Variants in ADAD1 observed in about 807,000 individuals in gnomAD.
ADAD1 encodes adenosine deaminase domain-containing protein 1.
Under a neutral mutation model 66.8 loss-of-function variants are expected in ADAD1, and 46 were observed. The ratio of observed to expected loss-of-function variants is 0.69; its 90% CI spans 0.54 to 0.88. ADAD1 has a LOEUF of 0.88. Among genes scored for constraint, ADAD1 ranks in the 40% least tolerant of loss-of-function variants. ADAD1 has a pLI of 0.00. For synonymous variants in ADAD1, 248 were observed against 229.4 expected, an observed-to-expected ratio of 1.08 and a Z score of -0.73; for missense variants, 617 against 681.8, an observed-to-expected ratio of 0.91 and a Z score of 1.06.
chr4:122,428,834 C>T (rs981795613), intron 12 of ADAD1, among the ~76,000 whole-genome samples: 2 of 152,226 alleles, frequency 1.3e-5, no homozygotes, highest in Middle Eastern at 3.4e-3. Flanking sequence ...CTGATATTTA[C>T]ATGCCTCTAT....
chr4:122,380,610 G>A (rs1276786343), intron 3 of ADAD1: 2 of 295,320 alleles, frequency 6.8e-6, no homozygotes, highest in African/African-American at 4.5e-5. Context: ...GTGGAATCCA[G>A]TGAGAAAATG....
At chr4:122,429,211 A>G (rs922457082) in intron 12 of ADAD1, among the ~76,000 whole-genome samples, 2 of 151,848 alleles carry the variant, frequency 1.3e-5, no homozygotes, top group Non-Finnish European at 2.9e-5. Flanking sequence ...AGGTGGGAGG[A>G]CCACTTGAGG....
intron 12 of ADAD1, among the ~76,000 whole-genome samples, chr4:122,423,603 T>A (rs1303441253): frequency 2.6e-5 from 4 of 152,042 alleles, no homozygotes; most frequent in Non-Finnish European, 4.4e-5. Context: ...GCCAAAAAAA[T>A]TTGAAAAAGA....
intron 11 of ADAD1, among the ~76,000 whole-genome samples, chr4:122,418,424 G>A (rs914075306): frequency 6.8e-6 from 1 of 147,416 alleles, no homozygotes; most frequent in Non-Finnish European, 1.5e-5. Flanking sequence ...CCTGGTTCAC[G>A]CCATTCTCCT....
intron 3 of ADAD1, 188 bp downstream of exon 3, chr4:122,380,429 C>G (rs1199378663): frequency 1.5e-6 from 1 of 654,386 alleles, no homozygotes; most frequent in Admixed American, 3.3e-5. Context: ...CTGTGCCGCT[C>G]GTTTAACCAT....
Position 122,429,627 on chromosome 4 carries a change from G to A in ADAD1, c.1619G>A (p.Cys540Tyr). The A allele has an allele frequency of 1.3e-6, 2 of 1,597,798 alleles. No homozygotes were observed. The highest frequency in any genetic ancestry group is 8.6e-7 in the Non-Finnish European group (1 of 1,165,814). ...LEAGTYHAAK[C>Y]MSASYQEAKC... Reference sequence around the variant, plus strand: ...ATTCATTTTTTCTTTCTTCTCTAGTGTATGTCTGCCTCCTATCAAGAAGCT... The same window carrying A: ...ATTCATTTTTTCTTTCTTCTCTAGTATATGTCTGCCTCCTATCAAGAAGCT... Residue 540 changes from cysteine to tyrosine, a missense_variant and splice_region_variant, in exon 13 of 13, where the codon TGT becomes TAT. Transcript: ENST00000296513.
intron 12 of ADAD1, among the ~76,000 whole-genome samples, chr4:122,425,015 A>T (rs1322614682): frequency 2.0e-5 from 3 of 152,132 alleles, no homozygotes; most frequent in African/African-American, 7.2e-5. Context: ...CATCAGAAAG[A>T]TATGTGTATG....
chr4:122,408,867 A>T (rs958121233), intron 8 of ADAD1, among the ~76,000 whole-genome samples: 3 of 149,552 alleles, frequency 2.0e-5, no homozygotes, highest in Non-Finnish European at 4.4e-5. Context: ...TGGGCAATAG[A>T]CGTACATCTT....
intron 12 of ADAD1, among the ~76,000 whole-genome samples, chr4:122,429,286 A>T (rs1375599747): frequency 6.6e-6 from 1 of 152,018 alleles, no homozygotes; most frequent in African/African-American, 2.4e-5. Flanking sequence ...TAAAAAAAAA[A>T]TAGCAGGGCA....
intron 11 of ADAD1, among the ~76,000 whole-genome samples, chr4:122,417,591 A>G (rs1560603300): frequency 6.6e-6 from 1 of 152,228 alleles, no homozygotes; most frequent in Non-Finnish European, 1.5e-5. Context: ...CACCTCTTTC[A>G]GTTCATGGTA....
At chr4:122,386,461 G>C (rs1225559487) in intron 5 of ADAD1, among the ~76,000 whole-genome samples, 1 of 152,128 alleles carries the variant, frequency 6.6e-6, no homozygotes, top group Non-Finnish European at 1.5e-5. Context: ...CAGATGTGTA[G>C]ATCAAAAATT....
chr4:122,400,260 T>C (rs573981325), intron 7 of ADAD1, among the ~76,000 whole-genome samples: 2 of 152,320 alleles, frequency 1.3e-5, no homozygotes, highest in South Asian at 4.1e-4. Flanking sequence ...TCTATTGAGA[T>C]GATCACATAA....
At chr4:122,397,172 T>C (rs1795755711) in intron 7 of ADAD1, among the ~76,000 whole-genome samples, 1 of 152,172 alleles carries the variant, frequency 6.6e-6, no homozygotes, top group Non-Finnish European at 1.5e-5. Flanking sequence ...CTAGCACAGA[T>C]TAGTCTGTGT....
At position 122,421,483 on chromosome 4, in the gene ADAD1, T is replaced by G; in HGVS notation, c.1617+93T>G. ...ATGGTTATCCTTAGCAAAAGTTTGTTGAATACTTCCTGAATATAAGATATT... is the reference window on the plus strand; with the variant it reads ...ATGGTTATCCTTAGCAAAAGTTTGTGGAATACTTCCTGAATATAAGATATT... On this transcript the variant is annotated intron_variant, in intron 12 of 12. Coordinates refer to ENST00000296513, the MANE Select transcript of ADAD1 (RefSeq NM_139243.4). 3 of 1,183,750 alleles carry G rather than the reference T, an allele frequency of 2.5e-6. No homozygotes were observed. In the South Asian group the frequency reaches 7.5e-5, roughly 30 times the overall value. The allele number at this position is 1,183,750 out of a possible 1,614,324, so 73.3% of individuals were successfully genotyped here. A position where few individuals can be genotyped will look rare whatever the true frequency, so the allele number is the denominator to read the frequency against.
chr4:122,427,702 T>A (rs1797315521), intron 12 of ADAD1, among the ~76,000 whole-genome samples: 1 of 151,564 alleles, frequency 6.6e-6, no homozygotes. Flanking sequence ...GCCCGGCTAA[T>A]TTTTTGTATC....
intron 12 of ADAD1, among the ~76,000 whole-genome samples, chr4:122,428,474 G>A (rs1797357880): frequency 6.6e-6 from 1 of 152,106 alleles, no homozygotes; most frequent in Non-Finnish European, 1.5e-5. Flanking sequence ...ATTCAGAAAA[G>A]CCAAAAACTG....
At chr4:122,422,373 C>T (rs1797042993) in intron 12 of ADAD1, among the ~76,000 whole-genome samples, 1 of 152,196 alleles carries the variant, frequency 6.6e-6, no homozygotes, top group African/African-American at 2.4e-5. Context: ...GATCCACCCG[C>T]CTCAGCCTCC....
intron 3 of ADAD1, 41 bp downstream of exon 3, chr4:122,380,282 A>G (rs987052553): frequency 6.4e-7 from 1 of 1,568,896 alleles, no homozygotes; most frequent in Non-Finnish European, 8.6e-7. Flanking sequence ...CAGTTCTTTA[A>G]GATTCTAGGA....
chr4:122,424,478 A>G (rs908096417), intron 12 of ADAD1, among the ~76,000 whole-genome samples: 7 of 152,178 alleles, frequency 4.6e-5, no homozygotes, highest in Non-Finnish European at 8.8e-5. Flanking sequence ...TATTGAAATA[A>G]AGTTGCTGTT....
Sources: gnomAD v4.1 joint callset for allele counts (sites outside exome capture counted in the v4.1 genomes callset) on GRCh38, gnomAD v4.1.1 for gene constraint, MANE v1.5 for transcripts, NCBI Gene and HGNC (gene_info 2026-07-23, HGNC 2026-07-21) for gene names.